Variants in PTPRN2 observed in about 807,000 individuals in gnomAD.
The protein encoded by PTPRN2 is protein tyrosine phosphatase receptor type N2.
In PTPRN2, 74 loss-of-function variants were observed where a neutral mutation model predicts 118.8. The ratio of observed to expected loss-of-function variants is 0.62; its 90% CI spans 0.52 to 0.76. The LOEUF is 0.76. Ranked by LOEUF, PTPRN2 falls within the 30% of genes least tolerant of loss-of-function variation. The pLI, the probability that PTPRN2 is intolerant of heterozygous loss-of-function variation, is 0.00. For missense variants in PTPRN2, 1,481 were observed against 1,394.4 expected (o/e 1.06, Z -0.99); for synonymous variants, 641 against 608.0 (o/e 1.05, Z -0.80).
intron 2 of PTPRN2, among the ~76,000 whole-genome samples, chr7:158,451,069 G>C (rs567728540): frequency 2.6e-5 from 4 of 152,186 alleles, no homozygotes; most frequent in Non-Finnish European, 5.9e-5. Context: ...AATTTCATAC[G>C]GCTTCCGTCT....
intron 2 of PTPRN2, among the ~76,000 whole-genome samples, chr7:158,343,404 G>A (rs778801973): frequency 1.1e-4 from 17 of 152,278 alleles, no homozygotes; most frequent in Non-Finnish European, 2.4e-4. Flanking sequence ...AAGCAAAACC[G>A]AAAATAACGC....
chr7:158,174,452 T>A (rs949566098), intron 5 of PTPRN2, among the ~76,000 whole-genome samples: 3 of 151,622 alleles, frequency 2.0e-5, no homozygotes, highest in African/African-American at 7.3e-5. Flanking sequence ...ATCCCTGCCA[T>A]CATCACCTCA....
chr7:158,224,384 G>C (rs1828595370), intron 3 of PTPRN2, among the ~76,000 whole-genome samples: 1 of 152,158 alleles, frequency 6.6e-6, no homozygotes, highest in Non-Finnish European at 1.5e-5. Context: ...GTGTAGTACT[G>C]ATGAACAGAT....
intron 11 of PTPRN2, among the ~76,000 whole-genome samples, chr7:157,976,040 C>G (rs535305771): frequency 6.6e-6 from 1 of 152,338 alleles, no homozygotes; most frequent in South Asian, 2.1e-4. Context: ...AGCACAGGGC[C>G]CTCCCTCACC....
chr7:157,753,027 T>G (rs1801573593), intron 12 of PTPRN2, among the ~76,000 whole-genome samples: 3 of 152,236 alleles, frequency 2.0e-5, no homozygotes, highest in South Asian at 4.1e-4. Context: ...TTCTGTGGTG[T>G]GGCTGTTCTC....
intron 12 of PTPRN2, among the ~76,000 whole-genome samples, chr7:157,747,353 G>A (rs1489502494): frequency 3.1e-5 from 4 of 130,458 alleles, no homozygotes; most frequent in Non-Finnish European, 4.8e-5. Context: ...TGGGGTGTCC[G>A]GGTGATTCTG....
rs906057810 is a variant in PTPRN2 at position 157,869,238 on chromosome 7, G to T, written c.1788+29435C>A. On this transcript the variant is annotated intron_variant, in intron 12 of 22. Transcript: ENST00000389418. This position sits in a 1 kb window ranked among gnomAD's most constrained non-coding sequence, Gnocchi z 4.2. ...CAGAGCCTCCCAGCATGGGAGGTCTGGGTAGGGCCTTGGAGGCCTGCTGGG... is the reference window on the plus strand; with the variant it reads ...CAGAGCCTCCCAGCATGGGAGGTCTTGGTAGGGCCTTGGAGGCCTGCTGGG... 6.6e-6 allele frequency: 1 copy of T among 152,188 alleles called. No individual in the cohort carries two copies. Among genetic ancestry groups the T allele is most frequent in the African/African-American group, 2.4e-5 (1 of 41,454 alleles). The allele number at this position is 152,188 out of a possible 1,614,324, so 9.4% of individuals were successfully genotyped here.
In PTPRN2 at chr7:157,690,148, T is replaced by C. The variant is rs1797402479; in HGVS notation, c.1789-7211A>G. ...GGAGGTCCTAGACTCCTTGGGGCGG[T>C]CTCTGCGGGGCGCTGGGCCAGGACA... On this transcript the variant is annotated intron_variant, in intron 12 of 22. Coordinates refer to ENST00000389418, the MANE Select transcript of PTPRN2 (RefSeq NM_002847.5). The surrounding 1 kb of genome is among the most constrained non-coding windows in gnomAD (Gnocchi z 7.1). Among the ~76,000 whole-genome samples the C allele has an allele frequency of 6.6e-6, 1 of 152,102 alleles. No homozygotes were observed. Among genetic ancestry groups the C allele is most frequent in the Admixed American group, 6.5e-5 (1 of 15,290 alleles).
intron 2 of PTPRN2, among the ~76,000 whole-genome samples, chr7:158,483,161 C>T (rs145066149): frequency 0.017 from 2,519 of 152,308 alleles, 28 homozygotes; most frequent in Non-Finnish European, 0.025. Flanking sequence ...TCTGAAGGCT[C>T]CCATGTGACA....
intron 10 of PTPRN2, among the ~76,000 whole-genome samples, chr7:158,103,805 C>T (rs1021648691): frequency 6.6e-6 from 1 of 152,182 alleles, no homozygotes; most frequent in Non-Finnish European, 1.5e-5. Context: ...TCATCCCACT[C>T]AGCCCATGAT....
At position 158,289,413 on chromosome 7, in the gene PTPRN2, G is replaced by A. The variant is rs531610066; in HGVS notation, c.277+27406C>T. Among the ~76,000 whole-genome samples the A allele has an allele frequency of 1.1e-4, 16 of 151,992 alleles. 1 individual carries two copies. The South Asian group carries it at 2.5e-3, about 24-fold the overall frequency. The stretch of plus-strand genomic sequence containing the variant: ...TCAAATAACCTGTCTTTAAGTTCAC[G>A]GATTCTGTTTCATCAATTCTGCAGT... On this transcript the variant is annotated intron_variant, in intron 3 of 22. Transcript: ENST00000389418.
chr7:157,919,118 G>A (rs1304498439), intron 11 of PTPRN2, among the ~76,000 whole-genome samples: 1 of 152,156 alleles, frequency 6.6e-6, no homozygotes, highest in Non-Finnish European at 1.5e-5. Flanking sequence ...ATGACAAAGA[G>A]AATTCAATAG....
At chr7:158,343,870 G>C (rs957560387) in intron 2 of PTPRN2, among the ~76,000 whole-genome samples, 1 of 152,076 alleles carries the variant, frequency 6.6e-6, no homozygotes, top group Non-Finnish European at 1.5e-5. Context: ...AGCTACAATC[G>C]AGCTCAGGTA....
chr7:158,036,116 AAAAT>A (rs1808072463), intron 11 of PTPRN2, among the ~76,000 whole-genome samples: 1 of 152,260 alleles, frequency 6.6e-6, no homozygotes, highest in African/African-American at 2.4e-5. Context: ...GGAAAGATGC[AAAAT>A]AAATAACACT....
chr7:158,329,979 T>A (rs1482923377), intron 2 of PTPRN2, among the ~76,000 whole-genome samples: 1 of 152,034 alleles, frequency 6.6e-6, no homozygotes, highest in East Asian at 1.9e-4. Context: ...ACTCTCACCA[T>A]AAGAGCTCAC....
chr7:158,256,412 C>G (rs891448896), intron 3 of PTPRN2, among the ~76,000 whole-genome samples: 8 of 152,322 alleles, frequency 5.3e-5, no homozygotes, highest in African/African-American at 1.7e-4. Context: ...AGGTCACCAG[C>G]CAGTCACAAG....
intron 2 of PTPRN2, among the ~76,000 whole-genome samples, chr7:158,373,196 C>G (rs1810233890): frequency 2.0e-5 from 3 of 152,270 alleles, no homozygotes; most frequent in Non-Finnish European, 2.9e-5. Flanking sequence ...GTGCTTTCCT[C>G]TGACGCCCGT....
chr7:157,597,470 ATG>A (rs111696000), intron 16 of PTPRN2, among the ~76,000 whole-genome samples: 3 of 124,042 alleles, frequency 2.4e-5, no homozygotes, highest in Non-Finnish European at 5.0e-5. Context: ...TCCTTCTGAA[ATG>A]TGTGTGTGTG....
Position 157,801,259 on chromosome 7 carries a change from C to T in PTPRN2, c.1788+97414G>A, listed in dbSNP as rs79299326. On this transcript the variant is annotated intron_variant, in intron 12 of 22. Transcript: ENST00000389418. This position sits in a 1 kb window ranked among gnomAD's most constrained non-coding sequence, Gnocchi z 4.2. Reference sequence around the variant, plus strand: ...CCGACGCTGAAAGTATCAGGCCTTCCGCTTAGCGCTGCCTTCGAGATCAGT... The same window carrying T: ...CCGACGCTGAAAGTATCAGGCCTTCTGCTTAGCGCTGCCTTCGAGATCAGT... 6.8e-4 allele frequency among the ~76,000 whole-genome samples: 103 copies of T among 152,244 alleles called. No individual in the cohort carries two copies. Among genetic ancestry groups the T allele is most frequent in the Middle Eastern group, 3.4e-3 (1 of 294 alleles).
Sources: allele counts gnomAD v4.1 joint callset (sites outside exome capture counted in the v4.1 genomes callset), GRCh38; gene constraint gnomAD v4.1.1; non-coding constraint Gnocchi (gnomAD v3.1); transcripts MANE v1.5; gene names NCBI Gene and HGNC (gene_info 2026-07-23, HGNC 2026-07-21).